Variants in APAF1 observed in about 807,000 individuals in gnomAD.
The protein encoded by APAF1 is apoptotic protease-activating factor 1.
APAF1 carries 91 observed loss-of-function variants against 152.4 expected under a neutral mutation model. That is an observed-to-expected ratio of 0.60 (90% CI 0.50 to 0.71). The LOEUF (loss-of-function observed/expected upper bound fraction) is 0.71. Among genes scored for constraint, APAF1 ranks in the 30% least tolerant of loss-of-function variants. APAF1 has a pLI of 0.00. For missense variants in APAF1, 1,283 were observed against 1,472.0 expected, an observed-to-expected ratio of 0.87 and a Z score of 2.10; for synonymous variants, 484 against 494.1, an observed-to-expected ratio of 0.98 and a Z score of 0.27.
chr12:98,667,220 C>T (rs1247866959), intron 9 of APAF1, among the ~76,000 whole-genome samples: 3 of 151,788 alleles, frequency 2.0e-5, no homozygotes, highest in African/African-American at 4.8e-5. Flanking sequence ...AGCTAATTCC[C>T]GAGTAGTTGG....
In APAF1 at chr12:98,699,578, T is replaced by C; in HGVS notation, c.2466+9T>C. ...CAAAAAATAAAATCTTTGTAAGTAC[T>C]TTAAAAAGCCAACTTCAGTCTGATT... is the stretch of plus-strand genomic sequence containing the variant. On this transcript the variant is annotated intron_variant, in intron 17 of 26. Coordinates refer to ENST00000551964, the MANE Select transcript of APAF1 (RefSeq NM_181861.2). 1 of 1,614,044 alleles carries C rather than the reference T, an allele frequency of 6.2e-7. No homozygotes were observed. The highest frequency in any genetic ancestry group is 8.5e-7 in the Non-Finnish European group (1 of 1,179,900).
intron 3 of APAF1, chr12:98,649,187 C>T (rs1593012830): frequency 1.0e-6 from 1 of 980,806 alleles, no homozygotes; most frequent in African/African-American, 1.8e-5. Flanking sequence ...TCCTTTTACA[C>T]TTGCCTTCCC....
At position 98,671,678 on chromosome 12, in the gene APAF1, C is replaced by G; in HGVS notation, c.1752C>G (p.Ala584=). The change falls in exon 12 of 27, where the codon GCC becomes GCG. Residue 584 remains alanine, a synonymous_variant. Transcript: ENST00000551964. ...SEVYQQAKLQ[A]KQEVDNGMLY... ...TTTATCAGCAAGCTAAGCTGCAGGC[C>G]AAGCAGGAGGTCGATAATGGAATGC... 6.2e-7 allele frequency: 1 copy of G among 1,613,918 alleles called. No individual in the cohort carries two copies. The highest frequency in any genetic ancestry group is 8.5e-7 in the Non-Finnish European group (1 of 1,179,992).
chr12:98,667,239 G>T (rs531129107), intron 9 of APAF1, among the ~76,000 whole-genome samples: 2 of 151,718 alleles, frequency 1.3e-5, no homozygotes, highest in African/African-American at 4.8e-5. Context: ...GGGTCTGCAG[G>T]CATATGCCAC....
chr12:98,669,614 T>C (rs1272505117), intron 10 of APAF1, among the ~76,000 whole-genome samples: 1 of 152,242 alleles, frequency 6.6e-6, no homozygotes, highest in East Asian at 1.9e-4. Context: ...CTGCATATTA[T>C]TTCATTGTAT....
rs1295524795 is a variant in APAF1, at chr12:98,713,353, C to T, written c.2958+918C>T. Among the ~76,000 whole-genome samples, 2 of 152,046 alleles carry T rather than the reference C, an allele frequency of 1.3e-5. 1 individual carries two copies. The highest frequency in any genetic ancestry group is 6.8e-3 in the Middle Eastern group (2 of 294). ...CTAACTATGCAAAGAGCATTTTTTTCTCCTCTTCTTAGAAGCCCAGCCATG... is the reference window on the plus strand; with the variant it reads ...CTAACTATGCAAAGAGCATTTTTTTTTCCTCTTCTTAGAAGCCCAGCCATG... On this transcript the variant is annotated intron_variant, in intron 21 of 26. Coordinates refer to ENST00000551964, the MANE Select transcript of APAF1 (RefSeq NM_181861.2).
chr12:98,708,158 A>T (rs970233873), intron 19 of APAF1, among the ~76,000 whole-genome samples: 2 of 152,120 alleles, frequency 1.3e-5, no homozygotes, highest in African/African-American at 4.8e-5. Context: ...TGTTGGTCAG[A>T]CGTCTTGAAC....
At chr12:98,665,873 A>G (rs2097672050) in intron 8 of APAF1, 82 bp downstream of exon 8, 2 of 1,255,470 alleles carry the variant, frequency 1.6e-6, no homozygotes, top group Non-Finnish European at 2.3e-6. Context: ...GTTACAGAGA[A>G]CCTTGGAAGG....
At chr12:98,688,717 A>G (rs2288728) in intron 16 of APAF1, among the ~76,000 whole-genome samples, 4 of 150,344 alleles carry the variant, frequency 2.7e-5, no homozygotes, top group South Asian at 2.1e-4. Flanking sequence ...GGCTCAAGCA[A>G]TCCCAGTGCT....
Position 98,649,675 on chromosome 12 carries a change from C to T in APAF1, c.517C>T (p.Leu173Phe), listed in dbSNP as rs1235361025. 19 of 1,613,694 alleles carry T rather than the reference C, an allele frequency of 1.2e-5. No individual in the cohort carries two copies. The highest frequency in any genetic ancestry group is 1.5e-5 in the Non-Finnish European group (18 of 1,179,836). The change falls in exon 4 of 27, where the codon CTT (leucine) becomes TTT (phenylalanine). Residue 173 changes from leucine (L) to phenylalanine (F), a missense_variant. Physicochemically the swap from Leu to Phe is conservative, Grantham distance 22. Transcript: ENST00000551964. ...TGCAGAAGCTGTTAGAGATCATTCC[C>T]TTTTAGAAGGTAAGTGTCTTAGTCC... is the stretch of plus-strand genomic sequence containing the variant. ...LAAEAVRDHSLLEGCFPGGVH... is the reference protein window; with the variant it reads ...LAAEAVRDHSFLEGCFPGGVH...
intron 4 of APAF1, among the ~76,000 whole-genome samples, chr12:98,654,983 G>A (rs1296163267): frequency 4.9e-5 from 6 of 123,442 alleles, no homozygotes. Flanking sequence ...GCGGCCTTCC[G>A]CAGTGTTTGT....
Position 98,706,546 on chromosome 12 carries a change from A to G in APAF1, c.2657A>G (p.His886Arg). Residue 886 changes from histidine (H) to arginine (R), a missense_variant, in exon 19 of 27, where the codon CAT (histidine) becomes CGT (arginine). Coordinates refer to ENST00000551964, the MANE Select transcript of APAF1 (RefSeq NM_181861.2). ...TGCAGAGGACATTTAAGTTGGGTTC[A>G]TGGTGTGATGTTTTCTCCTGATGGA... ...ADCRGHLSWV[H>R]GVMFSPDGSS... 1 of 1,614,048 alleles carries G rather than the reference A, an allele frequency of 6.2e-7. No homozygotes were observed.
intron 7 of APAF1, among the ~76,000 whole-genome samples, chr12:98,665,267 TATATATATATA>T (rs1475872414): frequency 2.0e-5 from 2 of 102,240 alleles, no homozygotes; most frequent in Non-Finnish European, 4.1e-5. Context: ...TATATATATA[TATATATATATA>T]TTTTTTTTTT....
At chr12:98,721,779 G>A (rs373444324) in intron 22 of APAF1, among the ~76,000 whole-genome samples, 3 of 152,116 alleles carry the variant, frequency 2.0e-5, no homozygotes, top group Non-Finnish European at 4.4e-5. Flanking sequence ...TGGGGAGGAC[G>A]ACTGCTAAAT....
Position 98,727,347 on chromosome 12 carries a change from A to G in APAF1, c.3600+31A>G, listed in dbSNP as rs555479091. On this transcript the variant is annotated intron_variant, in intron 26 of 26. Coordinates refer to ENST00000551964, the MANE Select transcript of APAF1 (RefSeq NM_181861.2). Reference sequence around the variant, plus strand: ...AGTTCCCCAAGAACTGTGAAAGAAAATAATAGCCTATATCATACTTTCCAA... The same window carrying G: ...AGTTCCCCAAGAACTGTGAAAGAAAGTAATAGCCTATATCATACTTTCCAA... 15 of 1,609,830 alleles carry G rather than the reference A, an allele frequency of 9.3e-6. No homozygotes were observed. In the East Asian group the frequency reaches 2.5e-4, roughly 26 times the overall value.
At chr12:98,709,387 C>T (rs564776669) in intron 20 of APAF1, among the ~76,000 whole-genome samples, 5 of 151,948 alleles carry the variant, frequency 3.3e-5, no homozygotes, top group Non-Finnish European at 7.4e-5. Flanking sequence ...AGAAGGAGTC[C>T]CAAAGATCCA....
At chr12:98,708,520 C>T in intron 19 of APAF1, 65 bp from the exon 20 acceptor site, 1 of 1,539,452 alleles carries the variant, frequency 6.5e-7, no homozygotes, top group African/African-American at 1.4e-5. Context: ...TAGTTTGTCT[C>T]TCGCTTTAAG....
chr12:98,659,036 A>G (rs1400743045), intron 4 of APAF1, 124 bp from the exon 5 acceptor site: 17 of 941,544 alleles, frequency 1.8e-5, no homozygotes, highest in Middle Eastern at 3.0e-4. Context: ...TCTACTCTAA[A>G]TCAAGAGAAG....
intron 1 of APAF1, among the ~76,000 whole-genome samples, chr12:98,647,983 TCTC>T (rs1298341536): frequency 1.3e-5 from 2 of 152,180 alleles, no homozygotes. Context: ...ACTCATTAAT[TCTC>T]CTTGTGGATA....
Sources: gnomAD v4.1 joint callset for allele counts (sites outside exome capture counted in the v4.1 genomes callset) on GRCh38, gnomAD v4.1.1 for gene constraint, MANE v1.5 for transcripts, NCBI Gene and HGNC (gene_info 2026-07-23, HGNC 2026-07-21) for gene names.